Variants in OR51B5 observed in about 807,000 individuals in gnomAD.
OR51B5 encodes the protein olfactory receptor 51B5.
For synonymous variants in OR51B5, 186 were observed against 144.8 expected (o/e 1.28, Z -2.04); for missense variants, 456 against 374.6 (o/e 1.22, Z -1.79).
intron 1 of OR51B5, chr11:5,422,872 G>GA: frequency 3.1e-6 from 5 of 1,614,030 alleles, no homozygotes; most frequent in Non-Finnish European, 4.2e-6. Context: ...CACTTATTCT[G>GA]AAAAATATCT....
At chr11:5,409,956 G>A (rs1850119414) in intron 1 of OR51B5, among the ~76,000 whole-genome samples, 1 of 152,118 alleles carries the variant, frequency 6.6e-6, no homozygotes, top group African/African-American at 2.4e-5. Context: ...TGGCTTCTCA[G>A]TAGAAATGTA....
intron 1 of OR51B5, among the ~76,000 whole-genome samples, chr11:5,435,718 A>G (rs866490972): frequency 1.2e-4 from 18 of 152,200 alleles, no homozygotes; most frequent in African/African-American, 3.9e-4. Flanking sequence ...CTGCACCACA[A>G]AAGTCCTCCT....
chr11:5,496,751 A>G (rs1316358436), intron 1 of OR51B5, among the ~76,000 whole-genome samples: 2 of 152,188 alleles, frequency 1.3e-5, no homozygotes, highest in Non-Finnish European at 2.9e-5. Context: ...TCATGGGTGT[A>G]TATATTGCTG....
intron 1 of OR51B5, chr11:5,431,454 G>A (rs1850534504): frequency 5.8e-6 from 1 of 173,814 alleles, no homozygotes; most frequent in East Asian, 1.4e-4. Context: ...TTCCTGCACT[G>A]CTGCCATAAT....
chr11:5,429,009 A>G (rs1850491671), intron 1 of OR51B5, among the ~76,000 whole-genome samples: 1 of 152,166 alleles, frequency 6.6e-6, no homozygotes, highest in African/African-American at 2.4e-5. Flanking sequence ...CTACTGTAGA[A>G]CTTAAGATTG....
At position 5,389,317 on chromosome 11, in the gene OR51B5, G is replaced by T. The variant is rs1198409101; in HGVS notation, n.85-42407C>A. On this transcript the variant is annotated intron_variant and non_coding_transcript_variant, in intron 1 of 4. Transcript: ENST00000415970. Reference sequence around the variant, plus strand: ...TAAAGGTGATGATGACCATGGTACTGCTTGTGATGTTGTGAATGTTAGTGA... The same window carrying T: ...TAAAGGTGATGATGACCATGGTACTTCTTGTGATGTTGTGAATGTTAGTGA... 4.5e-6 allele frequency: 6 copies of T among 1,335,998 alleles called. No homozygotes were observed. The Admixed American group carries it at 5.3e-5, about 12-fold the overall frequency. The allele number at this position is 1,335,998 out of a possible 1,614,324, so 82.8% of individuals were successfully genotyped here.
intron 1 of OR51B5, among the ~76,000 whole-genome samples, chr11:5,372,085 A>G (rs923922901): frequency 6.6e-6 from 1 of 152,134 alleles, no homozygotes; most frequent in African/African-American, 2.4e-5. Context: ...AGGCTGAATA[A>G]TATTGTGATA....
chr11:5,370,746 A>G (rs1849435122), intron 1 of OR51B5, among the ~76,000 whole-genome samples: 1 of 152,026 alleles, frequency 6.6e-6, no homozygotes, highest in Non-Finnish European at 1.5e-5. Context: ...GGAAATAATA[A>G]AAAAGTGACA....
At chr11:5,446,290 C>T (rs1359445607) in intron 1 of OR51B5, among the ~76,000 whole-genome samples, 1 of 133,204 alleles carries the variant, frequency 7.5e-6, no homozygotes, top group Admixed American at 7.9e-5. Context: ...TAGAATAACT[C>T]TCATGAGGTA....
At chr11:5,382,830 A>C (rs2647549) in intron 1 of OR51B5, among the ~76,000 whole-genome samples, 81,317 of 151,892 alleles carry the variant, frequency 0.54, 22,256 homozygotes, top group South Asian at 0.7. Flanking sequence ...TCTGATCACA[A>C]TGGCATGTCA....
At chr11:5,456,634 G>C (rs1850964911) in intron 1 of OR51B5, 1 of 152,024 alleles carries the variant, frequency 6.6e-6, no homozygotes, top group Non-Finnish European at 1.5e-5. Flanking sequence ...TTTAATTTCA[G>C]GCAGTACATG....
chr11:5,384,209 C>T (rs1849651507), intron 1 of OR51B5, among the ~76,000 whole-genome samples: 1 of 152,024 alleles, frequency 6.6e-6, no homozygotes, highest in African/African-American at 2.4e-5. Context: ...AGGTCTAGCT[C>T]TGTTACCCAG....
intron 1 of OR51B5, chr11:5,441,159 G>A (rs1334860453): frequency 6.2e-7 from 1 of 1,614,024 alleles, no homozygotes; most frequent in South Asian, 1.1e-5. Flanking sequence ...CAAGCTCATG[G>A]CCAGCAGTAT....
At chr11:5,355,080 G>T in intron 1 of OR51B5, 1 of 175,704 alleles carries the variant, frequency 5.7e-6, no homozygotes. Context: ...CTGACTTGAA[G>T]AATCACATCA....
At chr11:5,428,327 CTATAA>C (rs1564810439) in intron 1 of OR51B5, among the ~76,000 whole-genome samples, 1 of 152,032 alleles carries the variant, frequency 6.6e-6, no homozygotes, top group Non-Finnish European at 1.5e-5. Context: ...TATGTTTACA[CTATAA>C]TATAGTCTGT....
At chr11:5,388,133 AATAAGATTAATGGTAATGATAC>A (rs1849730401) in intron 1 of OR51B5, among the ~76,000 whole-genome samples, 1 of 152,132 alleles carries the variant, frequency 6.6e-6, no homozygotes, top group Non-Finnish European at 1.5e-5. Flanking sequence ...TAATTATTGA[AATAAGATTAATGGTAATGATAC>A]ATATTTAATA....
chr11:5,437,279 A>C (rs1850607103), intron 1 of OR51B5, among the ~76,000 whole-genome samples: 1 of 152,154 alleles, frequency 6.6e-6, no homozygotes, highest in African/African-American at 2.4e-5. Flanking sequence ...AGATCCCTGA[A>C]TTCTGAGCTT....
intron 1 of OR51B5, among the ~76,000 whole-genome samples, chr11:5,406,940 A>G (rs1247048429): frequency 2.6e-5 from 4 of 152,162 alleles, no homozygotes; most frequent in Admixed American, 2.6e-4. Context: ...TCAAATGCAT[A>G]ATGACAGTGA....
intron 1 of OR51B5, chr11:5,431,336 C>G (rs1874827): frequency 0.21 from 60,636 of 291,152 alleles, 7,063 homozygotes; most frequent in East Asian, 0.4. Context: ...CTGTGGGCAT[C>G]AAACCAAAGA....
Sources: allele counts gnomAD v4.1 joint callset (sites outside exome capture counted in the v4.1 genomes callset), GRCh38; gene constraint gnomAD v4.1.1; transcripts MANE v1.5; gene names NCBI Gene and HGNC (gene_info 2026-07-23, HGNC 2026-07-21).